NUP107: variants seen among roughly 807,000 people sequenced by gnomAD.
NUP107 encodes nucleoporin 107, also known as nuclear pore complex protein Nup107.
NUP107 carries 101 observed loss-of-function variants against 141.0 expected under a neutral mutation model. That is an observed-to-expected ratio of 0.72 (90% CI 0.61 to 0.84). The LOEUF (loss-of-function observed/expected upper bound fraction) is 0.84. Ranked by LOEUF, NUP107 falls within the 40% of genes least tolerant of loss-of-function variation. The pLI, the probability that NUP107 is intolerant of heterozygous loss-of-function variation, is 0.00. For missense variants in NUP107, 941 were observed against 1,102.7 expected, an observed-to-expected ratio of 0.85 and a Z score of 2.08; for synonymous variants, 319 against 363.9, an observed-to-expected ratio of 0.88 and a Z score of 1.41.
At position 68,731,344 on chromosome 12, in the gene NUP107, TA is replaced by T. The variant is rs1877818177; in HGVS notation, c.1885+87del. 3.3e-5 allele frequency: 44 copies of T among 1,326,972 alleles called. No individual in the cohort carries two copies. The South Asian group carries it at 7.5e-4, about 23-fold the overall frequency. 82.2% of individuals were successfully genotyped at this position (1,326,972 alleles called of 1,614,324 possible). On this transcript the variant is annotated intron_variant, in intron 21 of 27. Transcript: ENST00000229179. ...GTAGTAACATTTGTCCTTATAGTTTTAAATCTTATTTCTGTTGAGGGGAAAA... is the reference window on the plus strand; with the variant it reads ...GTAGTAACATTTGTCCTTATAGTTTTAATCTTATTTCTGTTGAGGGGAAAA...
chr12:68,710,139 T>G (rs1003652653), intron 10 of NUP107, 46 bp downstream of exon 10: 1 of 944,434 alleles, frequency 1.1e-6, no homozygotes, highest in Non-Finnish European at 1.7e-6. Flanking sequence ...ATGTTGATAT[T>G]GTTCATTCAT....
At chr12:68,722,194 A>G in intron 17 of NUP107, 42 bp downstream of exon 17, 4 of 1,556,408 alleles carry the variant, frequency 2.6e-6, no homozygotes, top group Non-Finnish European at 3.5e-6. Flanking sequence ...GGAATAGGAA[A>G]CAGTGTTATT....
chr12:68,702,802 T>A lies in NUP107; in HGVS notation c.729+18T>A, dbSNP rs1876396547. 1 of 1,415,402 alleles carries A rather than the reference T, an allele frequency of 7.1e-7. No individual in the cohort carries two copies. The highest frequency in any genetic ancestry group is 1.5e-5 in the African/African-American group (1 of 67,854). The allele number at this position is 1,415,402 out of a possible 1,614,324, so 87.7% of individuals were successfully genotyped here. On this transcript the variant is annotated intron_variant, in intron 8 of 27. Transcript: ENST00000229179. The stretch of plus-strand genomic sequence containing the variant: ...CAGTTACTGTAAGTTTTATATTAAT[T>A]TTTTCTTTTATAAATACATACAAAT...
intron 24 of NUP107, among the ~76,000 whole-genome samples, chr12:68,733,982 C>T (rs1272395281): frequency 1.3e-5 from 2 of 152,140 alleles, no homozygotes; most frequent in Non-Finnish European, 2.9e-5. Context: ...ATTCAAAATT[C>T]ATTCAAGGCT....
chr12:68,711,710 G>A (rs1230917624), intron 10 of NUP107, among the ~76,000 whole-genome samples: 1 of 152,148 alleles, frequency 6.6e-6, no homozygotes, highest in Non-Finnish European at 1.5e-5. Context: ...GAATGACCCA[G>A]AGAACGTAAA....
chr12:68,709,113 A>C, intron 8 of NUP107, 125 bp from the exon 9 acceptor site: 3 of 625,926 alleles, frequency 4.8e-6, no homozygotes, highest in South Asian at 4.0e-5. Flanking sequence ...ATGTGGTAAA[A>C]TGTTTATGTA....
At chr12:68,709,454 G>T in intron 9 of NUP107, 145 bp downstream of exon 9, 1 of 507,700 alleles carries the variant, frequency 2.0e-6, no homozygotes, top group Non-Finnish European at 3.4e-6. Flanking sequence ...AAAGGAATTA[G>T]AAACCTTATT....
At chr12:68,696,109 T>C (rs1023301017) in intron 5 of NUP107, among the ~76,000 whole-genome samples, 3 of 152,044 alleles carry the variant, frequency 2.0e-5, no homozygotes, top group Admixed American at 6.6e-5. Flanking sequence ...CTCACGCTTA[T>C]AATCCCAACA....
At chr12:68,703,695 C>T (rs1305461779) in intron 8 of NUP107, among the ~76,000 whole-genome samples, 1 of 152,070 alleles carries the variant, frequency 6.6e-6, no homozygotes, top group African/African-American at 2.4e-5. Flanking sequence ...GTGATCCGCC[C>T]ACCTCAGCCT....
intron 26 of NUP107, among the ~76,000 whole-genome samples, chr12:68,738,868 C>T (rs776771842): frequency 6.6e-5 from 10 of 152,280 alleles, no homozygotes; most frequent in East Asian, 1.9e-4. Flanking sequence ...AAAATACATG[C>T]GACTGTCTTA....
At chr12:68,728,233 G>C (rs1205643500) in intron 20 of NUP107, among the ~76,000 whole-genome samples, 1 of 149,096 alleles carries the variant, frequency 6.7e-6, no homozygotes, top group Non-Finnish European at 1.5e-5. Flanking sequence ...AGGTTGCAGT[G>C]AGCTGTGATC....
Position 68,741,988 on chromosome 12 carries a change from C to G in NUP107, c.2670+8C>G. 1 of 1,574,936 alleles carries G rather than the reference C, an allele frequency of 6.3e-7. No individual in the cohort carries two copies. The highest frequency in any genetic ancestry group is 1.2e-5 in the South Asian group (1 of 85,496). On this transcript the variant is annotated splice_region_variant and intron_variant, in intron 27 of 27. Coordinates refer to ENST00000229179, the MANE Select transcript of NUP107 (RefSeq NM_020401.4). ...CGCCACAAACTGTACCTGGTAAGTT[C>G]TAGAGCCTTGTAGTTTTAAATTTTA...
In NUP107 at chr12:68,733,616, A is replaced by G. The variant is rs751960100; in HGVS notation, c.2262+4A>G. On this transcript the variant is annotated splice_donor_region_variant and intron_variant, in intron 24 of 27. Coordinates refer to ENST00000229179, the MANE Select transcript of NUP107 (RefSeq NM_020401.4). ...TTTGTGCATCAGAGCTTATTTGGTG[A>G]GACTGTAAAGAAAGCCACAGATGTG... The G allele has an allele frequency of 2.5e-6, 4 of 1,601,712 alleles. No homozygotes were observed.
rs192415250 is a variant in NUP107, at chr12:68,693,584, C to T, written c.448+1472C>T. Among the ~76,000 whole-genome samples, 253 of 152,302 alleles carry T rather than the reference C, an allele frequency of 1.7e-3. 1 individual carries two copies. Among genetic ancestry groups the T allele is most frequent in the Middle Eastern group, 3.4e-3 (1 of 294 alleles). ...GTTGGTTTTCTCTGAAGCCTCTTCTCTTGGCTTACAGATGGCTGTCTTCCT... is the reference window on the plus strand; with the variant it reads ...GTTGGTTTTCTCTGAAGCCTCTTCTTTTGGCTTACAGATGGCTGTCTTCCT... On this transcript the variant is annotated intron_variant, in intron 5 of 27. Coordinates refer to ENST00000229179, the MANE Select transcript of NUP107 (RefSeq NM_020401.4).
chr12:68,738,985 C>A (rs987894877), intron 26 of NUP107, among the ~76,000 whole-genome samples: 1 of 151,680 alleles, frequency 6.6e-6, no homozygotes, highest in Non-Finnish European at 1.5e-5. Flanking sequence ...TTTAAACTAA[C>A]CCCCTAATCT....
At position 68,733,538 on chromosome 12, in the gene NUP107, C is replaced by T. The variant is rs372457943; in HGVS notation, c.2188C>T (p.Gln730Ter). 2 of 1,613,734 alleles carry T rather than the reference C, an allele frequency of 1.2e-6. No individual in the cohort carries two copies. The highest frequency in any genetic ancestry group is 1.3e-5 in the African/African-American group (1 of 75,016). ...AGAAATCTATAATCAGTGCGAGGAA[C>T]AAGGAATGGAAAGTCCACTTCCTGC... ...IAEIYNQCEE[Q>*]GMESPLPAED... The change falls in exon 24 of 28, where the codon CAA (glutamine) becomes TAA (stop). Residue 730 changes from glutamine to a stop codon, truncating the protein, a stop_gained. Coordinates refer to ENST00000229179, the MANE Select transcript of NUP107 (RefSeq NM_020401.4). LOFTEE classifies it high-confidence loss of function.
chr12:68,696,959 G>C (rs1876096752), intron 6 of NUP107, 37 bp downstream of exon 6: 3 of 1,292,660 alleles, frequency 2.3e-6, no homozygotes, highest in Non-Finnish European at 3.3e-6. Context: ...TCAAACTTCA[G>C]TATTTTTAGT....
rs559356758 is a variant in NUP107, at chr12:68,713,161, C to T, written c.891-569C>T. Among the ~76,000 whole-genome samples, 7 of 151,752 alleles carry T rather than the reference C, an allele frequency of 4.6e-5. No individual in the cohort carries two copies. The South Asian group carries it at 1.2e-3, about 27-fold the overall frequency. ...GCTGAGGCAGAAGGATTACTTGAGG[C>T]CGGGAGTTCAAGACCAGCCAGGGGA... On this transcript the variant is annotated intron_variant, in intron 10 of 27. Coordinates refer to ENST00000229179, the MANE Select transcript of NUP107 (RefSeq NM_020401.4).
chr12:68,696,346 CAG>C (rs887893981), intron 5 of NUP107, among the ~76,000 whole-genome samples: 11 of 150,652 alleles, frequency 7.3e-5, no homozygotes, highest in African/African-American at 2.4e-4. Flanking sequence ...GCCTGGGTGA[CAG>C]AGTGAGACTC....
Sources: gnomAD v4.1 joint callset for allele counts (sites outside exome capture counted in the v4.1 genomes callset) on GRCh38, gnomAD v4.1.1 for gene constraint, MANE v1.5 for transcripts, NCBI Gene and HGNC (gene_info 2026-07-23, HGNC 2026-07-21) for gene names.